The following MCTP1 variants were observed in gnomAD, a reference collection of about 807,000 sequenced individuals.
The protein encoded by MCTP1 is multiple C2 and transmembrane domain-containing protein 1.
A neutral mutation model predicts 120.6 loss-of-function variants in MCTP1; 69 were observed. That is an observed-to-expected ratio of 0.57 (90% CI 0.47 to 0.70). The LOEUF (loss-of-function observed/expected upper bound fraction) is 0.70. Ranked by LOEUF, MCTP1 falls within the 30% of genes least tolerant of loss-of-function variation. The probability of loss-of-function intolerance (pLI) is 0.00; values close to 1 mark genes in which losing one functional copy is unlikely to be tolerated. For synonymous variants in MCTP1, 529 were observed against 493.1 expected (o/e 1.07, Z -0.96); for missense variants, 1,203 against 1,248.8 (o/e 0.96, Z 0.55).
chr5:94,771,634 T>C (rs891532699), intron 19 of MCTP1, among the ~76,000 whole-genome samples: 1 of 152,316 alleles, frequency 6.6e-6, no homozygotes, highest in African/African-American at 2.4e-5. Context: ...TTTCATATTA[T>C]ATGAAAAATT....
intron 17 of MCTP1, among the ~76,000 whole-genome samples, chr5:94,819,118 T>TATTTATTTATTTATTC (rs78332652): frequency 1.0e-4 from 14 of 140,634 alleles, no homozygotes; most frequent in Non-Finnish European, 1.7e-4. Context: ...TTTATTTATT[T>TATTTATTTATTTATTC]ATTCATTCAT....
chr5:95,199,773 T>G (rs938028091), intron 1 of MCTP1, among the ~76,000 whole-genome samples: 5 of 151,238 alleles, frequency 3.3e-5, no homozygotes, highest in African/African-American at 1.2e-4. Context: ...GCAAGAGAAT[T>G]GCATGAACTC....
chr5:95,196,843 A>G (rs539109861), intron 1 of MCTP1, among the ~76,000 whole-genome samples: 1 of 152,272 alleles, frequency 6.6e-6, no homozygotes, highest in East Asian at 1.9e-4. Context: ...TTTTAGTTTT[A>G]ATGGTCACTT....
chr5:94,889,095 A>ACCAGC, intron 11 of MCTP1, 123 bp from the exon 12 acceptor site: 1 of 597,340 alleles, frequency 1.7e-6, no homozygotes, highest in Non-Finnish European at 2.9e-6. Flanking sequence ...ATCAACATTA[A>ACCAGC]ACTAACTAAT....
At chr5:95,197,050 G>T (rs992337702) in intron 1 of MCTP1, among the ~76,000 whole-genome samples, 2 of 152,074 alleles carry the variant, frequency 1.3e-5, no homozygotes, top group Non-Finnish European at 2.9e-5. Flanking sequence ...AGTTAATTGG[G>T]TATCTGATCA....
intron 6 of MCTP1, chr5:94,929,742 TC>T (rs1480206780): frequency 2.2e-6 from 2 of 929,056 alleles, no homozygotes; most frequent in Non-Finnish European, 2.6e-6. Context: ...TGTCAAACTT[TC>T]CCCCGATTTT....
At position 95,283,925 on chromosome 5, in the gene MCTP1, G is replaced by A. The variant is rs751512122; in HGVS notation, c.651C>T (p.Pro217=). 1.2e-5 allele frequency: 17 copies of A among 1,398,418 alleles called. No individual in the cohort carries two copies. The highest frequency in any genetic ancestry group is 2.9e-5 in the East Asian group (1 of 34,062). The allele number at this position is 1,398,418 out of a possible 1,614,324, so 86.6% of individuals were successfully genotyped here. ...CCGCGGGACTCCGCGCCGGCTCTGCGGGAGGAGGCGGCGGCTCCAGCAGCT... is the reference window on the plus strand; with the variant it reads ...CCGCGGGACTCCGCGCCGGCTCTGCAGGAGGAGGCGGCGGCTCCAGCAGCT... ...LEQLLEPPPP[P]AEPARSPAES... The change falls in exon 1 of 23, where the codon CCC becomes CCT. Residue 217 remains proline, a synonymous_variant. Coordinates refer to ENST00000515393, the MANE Select transcript of MCTP1 (RefSeq NM_024717.7).
intron 2 of MCTP1, among the ~76,000 whole-genome samples, chr5:95,017,063 T>C (rs1300793474): frequency 1.3e-5 from 2 of 152,120 alleles, no homozygotes; most frequent in Non-Finnish European, 2.9e-5. Flanking sequence ...GCTTCAAATA[T>C]ATGCCTCACT....
At chr5:94,821,024 C>T (rs1185226482) in intron 17 of MCTP1, among the ~76,000 whole-genome samples, 1 of 152,156 alleles carries the variant, frequency 6.6e-6, no homozygotes, top group Non-Finnish European at 1.5e-5. Flanking sequence ...AAATAGCTTG[C>T]TCAAGGCCAC....
rs189081500 is a variant in MCTP1, at chr5:95,249,994, C to T, written c.720+33862G>A. On this transcript the variant is annotated intron_variant, in intron 1 of 22. Transcript: ENST00000515393. Reference sequence around the variant, plus strand: ...GACACAGGGCGGGGAACATCACACACCAGGGCCTGTGGGAGAGTGGGGGCC... The same window carrying T: ...GACACAGGGCGGGGAACATCACACATCAGGGCCTGTGGGAGAGTGGGGGCC... Among the ~76,000 whole-genome samples the T allele has an allele frequency of 6.6e-5, 10 of 152,180 alleles. No individual in the cohort carries two copies. The East Asian group carries it at 1.9e-3, about 29-fold the overall frequency.
At chr5:94,819,146 C>CATTCATTT (rs1295917899) in intron 17 of MCTP1, among the ~76,000 whole-genome samples, 2 of 149,812 alleles carry the variant, frequency 1.3e-5, no homozygotes, top group South Asian at 2.1e-4. Context: ...TTCATTCATT[C>CATTCATTT]GAGATGGAGT....
At chr5:94,897,417 C>T (rs369236675) in intron 10 of MCTP1, among the ~76,000 whole-genome samples, 10 of 151,836 alleles carry the variant, frequency 6.6e-5, no homozygotes, top group East Asian at 1.9e-4. Flanking sequence ...AGTGCAGTGG[C>T]GCGATCTCAA....
In MCTP1 at chr5:94,920,468, C is replaced by T. The variant is rs1436175182; in HGVS notation, c.1273-2495G>A. Among the ~76,000 whole-genome samples, 6 of 152,140 alleles carry T rather than the reference C, an allele frequency of 3.9e-5. No individual in the cohort carries two copies. The East Asian group carries it at 9.7e-4, about 25-fold the overall frequency. On this transcript the variant is annotated intron_variant, in intron 7 of 22. Transcript: ENST00000515393. ...TTAAAAAGCCAACAACTCGGCAGGG[C>T]GCGGTGGCTCACGCCTGTAATCCCA...
chr5:95,194,900 G>C (rs946113613), intron 1 of MCTP1, among the ~76,000 whole-genome samples: 5 of 152,204 alleles, frequency 3.3e-5, no homozygotes, highest in Non-Finnish European at 7.4e-5. Flanking sequence ...AGGGATGACA[G>C]AGAAAAGGCG....
chr5:94,709,703 G>A (rs1042074972), intron 21 of MCTP1: 2 of 152,086 alleles, frequency 1.3e-5, no homozygotes, highest in Non-Finnish European at 2.9e-5. Flanking sequence ...TAATGAAAGT[G>A]CTGTCTAAAT....
At chr5:95,131,652 T>C (rs1344429359) in intron 1 of MCTP1, among the ~76,000 whole-genome samples, 1 of 152,206 alleles carries the variant, frequency 6.6e-6, no homozygotes, top group African/African-American at 2.4e-5. Flanking sequence ...TTTCTTTACT[T>C]ATTTCATTTA....
At chr5:95,070,978 A>G (rs992037129) in intron 1 of MCTP1, among the ~76,000 whole-genome samples, 4 of 152,106 alleles carry the variant, frequency 2.6e-5, no homozygotes, top group African/African-American at 9.7e-5. Flanking sequence ...GGATTAGGGT[A>G]CCATGGGATG....
intron 17 of MCTP1, among the ~76,000 whole-genome samples, chr5:94,819,836 T>C (rs1785258053): frequency 6.6e-6 from 1 of 152,176 alleles, no homozygotes; most frequent in South Asian, 2.1e-4. Flanking sequence ...ACAATACGTT[T>C]TCAGATAGTT....
chr5:94,799,757 AT>A (rs1780809306), intron 17 of MCTP1, among the ~76,000 whole-genome samples: 1 of 152,178 alleles, frequency 6.6e-6, no homozygotes, highest in Non-Finnish European at 1.5e-5. Flanking sequence ...GCCTATTTGT[AT>A]TGTTCTTTTT....
Sources: allele counts gnomAD v4.1 joint callset (sites outside exome capture counted in the v4.1 genomes callset), GRCh38; gene constraint gnomAD v4.1.1; transcripts MANE v1.5; gene names NCBI Gene and HGNC (gene_info 2026-07-23, HGNC 2026-07-21).